The following RORA variants were observed in gnomAD, a reference collection of about 807,000 sequenced individuals.
The protein encoded by RORA is nuclear receptor ROR-alpha.
A neutral mutation model predicts 69.5 loss-of-function variants in RORA; 7 were observed. The observed-to-expected ratio is 0.10, with a 90% CI of 0.06 to 0.19. The LOEUF is 0.19. RORA is among the 10% of genes least tolerant of loss of function. The pLI, the probability that RORA is intolerant of heterozygous loss-of-function variation, is 1.00. For synonymous variants in RORA, 261 were observed against 240.8 expected (o/e 1.08, Z -0.78); for missense variants, 457 against 663.0 (o/e 0.69, Z 3.41).
chr15:60,790,361 A>G (rs1003249779), intron 1 of RORA, among the ~76,000 whole-genome samples: 1 of 152,168 alleles, frequency 6.6e-6, no homozygotes, highest in Non-Finnish European at 1.5e-5. Context: ...TAACTCAACT[A>G]CAAATGTTGA....
intron 2 of RORA, among the ~76,000 whole-genome samples, chr15:60,605,027 A>G (rs541230625): frequency 6.6e-6 from 1 of 152,334 alleles, no homozygotes; most frequent in Admixed American, 6.5e-5. Flanking sequence ...TTATTTGGAC[A>G]TACAGATAGT....
chr15:61,185,660 C>T (rs2140909132), intron 1 of RORA, among the ~76,000 whole-genome samples: 2 of 152,332 alleles, frequency 1.3e-5, no homozygotes, highest in South Asian at 4.1e-4. Context: ...CATGCAACAA[C>T]TGAAATAACC....
At chr15:60,759,442 T>C (rs1427999986) in intron 1 of RORA, among the ~76,000 whole-genome samples, 5 of 152,168 alleles carry the variant, frequency 3.3e-5, no homozygotes, top group African/African-American at 1.2e-4. Context: ...ACTCTAGCAA[T>C]GAATACATCA....
chr15:60,918,096 T>C (rs1355276362), intron 1 of RORA, among the ~76,000 whole-genome samples: 1 of 152,236 alleles, frequency 6.6e-6, no homozygotes, highest in Non-Finnish European at 1.5e-5. Flanking sequence ...CAAGTTGGCA[T>C]CACTCCCATT....
At chr15:60,754,581 G>A (rs549106436) in intron 1 of RORA, among the ~76,000 whole-genome samples, 6 of 152,170 alleles carry the variant, frequency 3.9e-5, no homozygotes, top group South Asian at 2.1e-4. Context: ...CAACTTTGAC[G>A]CCCTTCCCTC....
chr15:60,911,711 T>A (rs1020247201), intron 1 of RORA, among the ~76,000 whole-genome samples: 9 of 151,654 alleles, frequency 5.9e-5, no homozygotes, highest in African/African-American at 2.2e-4. Context: ...TGATTTTTTT[T>A]TTTTTTTTGA....
intron 2 of RORA, among the ~76,000 whole-genome samples, chr15:60,640,749 G>C (rs1203629467): frequency 6.6e-6 from 1 of 151,788 alleles, no homozygotes; most frequent in Non-Finnish European, 1.5e-5. Context: ...AGATTCTCCT[G>C]TGCTTGAAAC....
chr15:61,028,950 G>A (rs1895983212), intron 1 of RORA, among the ~76,000 whole-genome samples: 1 of 152,120 alleles, frequency 6.6e-6, no homozygotes, highest in South Asian at 2.1e-4. Flanking sequence ...GGTGGCTGAA[G>A]AGTGACTGCT....
intron 1 of RORA, among the ~76,000 whole-genome samples, chr15:60,753,078 T>C (rs531296527): frequency 6.6e-6 from 1 of 152,240 alleles, no homozygotes; most frequent in East Asian, 1.9e-4. Flanking sequence ...TTGCTTCTGG[T>C]TTTCTAAAAG....
intron 1 of RORA, among the ~76,000 whole-genome samples, chr15:60,783,823 C>T (rs1284890256): frequency 6.6e-6 from 1 of 152,202 alleles, no homozygotes; most frequent in Non-Finnish European, 1.5e-5. Flanking sequence ...GGTTTCAGAA[C>T]CTTTCAGATC....
intron 1 of RORA, among the ~76,000 whole-genome samples, chr15:61,209,541 C>G (rs192049341): frequency 9.2e-4 from 140 of 152,290 alleles, no homozygotes; most frequent in African/African-American, 3.2e-3. Context: ...ATGTTTGTGT[C>G]CCCATAAAAT....
At chr15:60,576,646 C>T (rs1567099495) in intron 2 of RORA, among the ~76,000 whole-genome samples, 1 of 152,194 alleles carries the variant, frequency 6.6e-6, no homozygotes, top group Non-Finnish European at 1.5e-5. Flanking sequence ...TAGTCGAGGG[C>T]TTAGCCTCCT....
chr15:60,616,528 G>A (rs569485329), intron 2 of RORA, among the ~76,000 whole-genome samples: 55 of 152,308 alleles, frequency 3.6e-4, no homozygotes, highest in Admixed American at 8.5e-4. Flanking sequence ...TGAAGGCTCA[G>A]AAAGAAACAA....
rs996112119 is a variant in RORA at position 60,780,955 on chromosome 15, T to G, written c.167-102269A>C. On this transcript the variant is annotated intron_variant, in intron 1 of 10. Coordinates refer to ENST00000335670, the MANE Select transcript of RORA (RefSeq NM_134261.3). ...AAGTGCTTTTTGTTCCATATCTCAT[T>G]TTGTCTTCACAGTAACTTTAGTAGG... is the stretch of plus-strand genomic sequence containing the variant. Among the ~76,000 whole-genome samples, 40 of 152,196 alleles carry G rather than the reference T, an allele frequency of 2.6e-4. 1 individual carries two copies. Among genetic ancestry groups the G allele is most frequent in the Admixed American group, 2.2e-3 (33 of 15,280 alleles).
chr15:61,109,499 G>A (rs1012442850), intron 1 of RORA, among the ~76,000 whole-genome samples: 3 of 152,158 alleles, frequency 2.0e-5, no homozygotes, highest in African/African-American at 7.2e-5. Flanking sequence ...ACATGGTTCA[G>A]CCAGCACACC....
intron 1 of RORA, among the ~76,000 whole-genome samples, chr15:60,897,993 A>C (rs2140464240): frequency 6.6e-6 from 1 of 152,380 alleles, no homozygotes; most frequent in South Asian, 2.1e-4. Flanking sequence ...CAGGAGTAAC[A>C]AAAATGATGA....
At chr15:60,811,978 A>G (rs1016432634) in intron 1 of RORA, among the ~76,000 whole-genome samples, 1 of 152,148 alleles carries the variant, frequency 6.6e-6, no homozygotes, top group East Asian at 1.9e-4. Context: ...CTAATTATTA[A>G]AAATCCCAAA....
intron 1 of RORA, among the ~76,000 whole-genome samples, chr15:60,985,582 CTTTTTTTTTTT>C (rs11451387): frequency 9.9e-6 from 1 of 100,864 alleles, no homozygotes; most frequent in East Asian, 2.8e-4. Flanking sequence ...AACTCATCCT[CTTTTTTTTTTT>C]TTTTTTTTTT....
chr15:60,582,575 T>C (rs2068222851), intron 2 of RORA, among the ~76,000 whole-genome samples: 1 of 152,184 alleles, frequency 6.6e-6, no homozygotes, highest in Admixed American at 6.5e-5. Flanking sequence ...CAACATTGTT[T>C]TGCTACACTG....
Sources: allele counts gnomAD v4.1 joint callset (sites outside exome capture counted in the v4.1 genomes callset), GRCh38; gene constraint gnomAD v4.1.1; transcripts MANE v1.5; gene names NCBI Gene and HGNC (gene_info 2026-07-23, HGNC 2026-07-21).